The following GDPD4 variants were observed in gnomAD, a reference collection of about 807,000 sequenced individuals.
GDPD4 encodes glycerophosphodiester phosphodiesterase 6.
GDPD4 carries 60 observed loss-of-function variants against 67.8 expected under a neutral mutation model. The observed-to-expected ratio is 0.88, with a 90% CI of 0.72 to 1.10. The LOEUF is 1.10. GDPD4 is among the 50% of genes least tolerant of loss of function. GDPD4 has a pLI of 0.00. For synonymous variants in GDPD4, 212 were observed against 210.9 expected, an observed-to-expected ratio of 1.00 and a Z score of -0.04; for missense variants, 623 against 613.9, an observed-to-expected ratio of 1.01 and a Z score of -0.16.
chr11:77,299,452 A>G (rs1938088404), intron 1 of GDPD4, among the ~76,000 whole-genome samples: 1 of 152,196 alleles, frequency 6.6e-6, no homozygotes, highest in Non-Finnish European at 1.5e-5. Context: ...AAAATAAAAC[A>G]TTATATAATG....
At chr11:77,221,812 G>T (rs541406983) in intron 16 of GDPD4, among the ~76,000 whole-genome samples, 2 of 151,668 alleles carry the variant, frequency 1.3e-5, no homozygotes, top group African/African-American at 4.8e-5. Flanking sequence ...TCGTTGATCT[G>T]TCTAATATTG....
At chr11:77,264,573 A>C (rs1959169342) in intron 10 of GDPD4, among the ~76,000 whole-genome samples, 1 of 152,196 alleles carries the variant, frequency 6.6e-6, no homozygotes, top group Non-Finnish European at 1.5e-5. Flanking sequence ...AGGACTTCTC[A>C]AATGCTGAGA....
At chr11:77,296,095 C>G (rs1276463574) in intron 1 of GDPD4, among the ~76,000 whole-genome samples, 1 of 151,204 alleles carries the variant, frequency 6.6e-6, no homozygotes, top group African/African-American at 2.4e-5. Flanking sequence ...ACTAAAAATA[C>G]AAAAAATTAG....
rs1177388738 is a variant in GDPD4, at chr11:77,268,924, C to A, written c.624G>T (p.Met208Ile). Residue 208 changes from methionine to isoleucine, a missense_variant and splice_region_variant, in exon 9 of 17, where the codon ATG (methionine) becomes ATT (isoleucine). By Grantham distance (10) the Met-to-Ile change is conservative. Coordinates refer to ENST00000315938, the MANE Select transcript of GDPD4 (RefSeq NM_182833.3). ...CCATGTTCATCATGCTCAGACCTAC[C>A]ATGGGTGCACCTCTATGTCCAAAGA... ...PTIFGHRGAP[M>I]LGPENTMMSF... is the part of the protein sequence containing the mutation. The A allele has an allele frequency of 3.7e-6, 6 of 1,613,776 alleles. No homozygotes were observed. The African/African-American group carries it at 5.3e-5, about 14-fold the overall frequency.
chr11:77,266,740 C>CA (rs935190237), intron 10 of GDPD4, among the ~76,000 whole-genome samples: 1 of 151,200 alleles, frequency 6.6e-6, no homozygotes, highest in Admixed American at 6.6e-5. Context: ...TAGTTTCTAA[C>CA]AAAAAAGTTA....
chr11:77,272,751 G>C (rs1181768248), intron 5 of GDPD4, among the ~76,000 whole-genome samples: 1 of 151,384 alleles, frequency 6.6e-6, no homozygotes, highest in Non-Finnish European at 1.5e-5. Flanking sequence ...ACTCCAGCCT[G>C]AGCAACGGAG....
At chr11:77,271,816 G>A (rs538446730) in intron 5 of GDPD4, among the ~76,000 whole-genome samples, 36 of 152,154 alleles carry the variant, frequency 2.4e-4, no homozygotes, top group Middle Eastern at 3.4e-3. Flanking sequence ...TTCAACGTCC[G>A]TTTTCCCCAA....
In GDPD4 at chr11:77,269,919, T is replaced by C; in HGVS notation, c.442A>G (p.Arg148Gly). The stretch of plus-strand genomic sequence containing the variant: ...GTGATTACATTACATTGCTTGAGTC[T>C]TTTTTTCTCAGAATGTGTCATCCTG... ...RYRMTHSEKK[R>G]LKQCNVITRL... The change falls in exon 8 of 17, where the codon AGA (arginine) becomes GGA (glycine). Residue 148 changes from arginine to glycine, a missense_variant. Physicochemically the swap from Arg to Gly is moderately radical, Grantham distance 125. Coordinates refer to ENST00000315938, the MANE Select transcript of GDPD4 (RefSeq NM_182833.3). 1 of 1,583,966 alleles carries C rather than the reference T, an allele frequency of 6.3e-7. No homozygotes were observed. The highest frequency in any genetic ancestry group is 8.7e-7 in the Non-Finnish European group (1 of 1,155,024).
intron 10 of GDPD4, among the ~76,000 whole-genome samples, chr11:77,263,330 T>A (rs1591557486): frequency 6.6e-6 from 1 of 152,024 alleles, no homozygotes; most frequent in East Asian, 1.9e-4. Flanking sequence ...ATGAGAGAGA[T>A]GAAATGTTAG....
intron 13 of GDPD4, among the ~76,000 whole-genome samples, chr11:77,239,510 T>A (rs1327389134): frequency 6.6e-6 from 1 of 152,162 alleles, no homozygotes; most frequent in African/African-American, 2.4e-5. Flanking sequence ...AAAATCAACA[T>A]ACAAAAACCA....
At chr11:77,250,752 T>C (rs1025597414) in intron 11 of GDPD4, among the ~76,000 whole-genome samples, 21 of 152,220 alleles carry the variant, frequency 1.4e-4, no homozygotes, top group African/African-American at 5.1e-4. Flanking sequence ...TAGTAGGATG[T>C]TAAAGTCACC....
intron 1 of GDPD4, among the ~76,000 whole-genome samples, chr11:77,290,674 T>C (rs1305392743): frequency 6.6e-6 from 1 of 152,094 alleles, no homozygotes; most frequent in Non-Finnish European, 1.5e-5. Flanking sequence ...AGATTTCAAA[T>C]AAATAATTAT....
At chr11:77,272,478 A>G (rs1267453979) in intron 5 of GDPD4, among the ~76,000 whole-genome samples, 1 of 152,200 alleles carries the variant, frequency 6.6e-6, no homozygotes, top group Non-Finnish European at 1.5e-5. Context: ...AACAGATAAA[A>G]GATTTTCCAG....
chr11:77,224,132 C>A (rs11824060), intron 16 of GDPD4: 2 of 152,122 alleles, frequency 1.3e-5, no homozygotes, highest in Non-Finnish European at 2.9e-5. Context: ...GGAAATCCCC[C>A]GACCCCTTGC....
intron 10 of GDPD4, among the ~76,000 whole-genome samples, chr11:77,267,840 C>T (rs1959185387): frequency 6.6e-6 from 1 of 152,072 alleles, no homozygotes; most frequent in Non-Finnish European, 1.5e-5. Flanking sequence ...CTCCTTCCCC[C>T]ATCTCTGCTT....
chr11:77,218,209 A>G (rs1220146162), intron 16 of GDPD4, among the ~76,000 whole-genome samples: 2 of 151,650 alleles, frequency 1.3e-5, no homozygotes, highest in Non-Finnish European at 1.5e-5. Flanking sequence ...CATGAACATG[A>G]TTGCTCCATT....
At chr11:77,291,521 G>A (rs772140055) in intron 1 of GDPD4, among the ~76,000 whole-genome samples, 1 of 152,104 alleles carries the variant, frequency 6.6e-6, no homozygotes, top group Non-Finnish European at 1.5e-5. Flanking sequence ...GATTTGAAAT[G>A]TCCCTAGTAC....
At chr11:77,245,771 C>T (rs1470681473) in intron 11 of GDPD4, among the ~76,000 whole-genome samples, 1 of 152,148 alleles carries the variant, frequency 6.6e-6, no homozygotes, top group Non-Finnish European at 1.5e-5. Flanking sequence ...CCTTTCCAGC[C>T]TTCTCTCCCA....
chr11:77,263,695 A>G (rs141539531), intron 10 of GDPD4, among the ~76,000 whole-genome samples: 35 of 152,314 alleles, frequency 2.3e-4, no homozygotes, highest in African/African-American at 7.9e-4. Context: ...ATAAGATAGT[A>G]TTACTGATTT....
Sources: gnomAD v4.1 joint callset for allele counts (sites outside exome capture counted in the v4.1 genomes callset) on GRCh38, gnomAD v4.1.1 for gene constraint, MANE v1.5 for transcripts, NCBI Gene and HGNC (gene_info 2026-07-23, HGNC 2026-07-21) for gene names.